C8orf34: variants seen among roughly 807,000 people sequenced by gnomAD.
C8orf34 encodes the protein uncharacterized protein C8orf34.
A neutral mutation model predicts 68.3 loss-of-function variants in C8orf34; 65 were observed. The ratio of observed to expected loss-of-function variants is 0.95; its 90% CI spans 0.78 to 1.17. C8orf34 has a LOEUF of 1.17. Ranked by LOEUF, C8orf34 falls within the 50% of genes most tolerant of loss-of-function variation. C8orf34 has a pLI of 0.00. For synonymous variants in C8orf34, 244 were observed against 241.2 expected (o/e 1.01, Z -0.11); for missense variants, 664 against 655.4 (o/e 1.01, Z -0.14).
chr8:68,716,819 C>A (rs1163263058), intron 9 of C8orf34, among the ~76,000 whole-genome samples: 1 of 151,878 alleles, frequency 6.6e-6, no homozygotes, highest in African/African-American at 2.4e-5. Flanking sequence ...GAAATATGAA[C>A]AACCCTTGTT....
At chr8:68,727,858 C>CTG (rs1821876898) in intron 10 of C8orf34, among the ~76,000 whole-genome samples, 2 of 152,200 alleles carry the variant, frequency 1.3e-5, no homozygotes, top group Non-Finnish European at 1.5e-5. Flanking sequence ...GCCCATCCTC[C>CTG]TGGGCCTGTG....
chr8:68,372,288 G>GA (rs1376006208), intron 1 of C8orf34, among the ~76,000 whole-genome samples: 1 of 152,140 alleles, frequency 6.6e-6, no homozygotes, highest in Non-Finnish European at 1.5e-5. Context: ...GAAAAACTGG[G>GA]ATAACATGAG....
At chr8:68,564,697 AG>A (rs562082767) in intron 7 of C8orf34, among the ~76,000 whole-genome samples, 45 of 152,316 alleles carry the variant, frequency 3.0e-4, no homozygotes, top group African/African-American at 1.1e-3. Context: ...AGCAAAAGAG[AG>A]CCAATGTCAG....
chr8:68,497,471 T>C (rs1293641385), intron 5 of C8orf34, among the ~76,000 whole-genome samples: 1 of 152,206 alleles, frequency 6.6e-6, no homozygotes, highest in African/African-American at 2.4e-5. Context: ...GTACATTATA[T>C]GTGCAATTAT....
chr8:68,601,902 G>A (rs1301215054), intron 7 of C8orf34, among the ~76,000 whole-genome samples: 1 of 152,142 alleles, frequency 6.6e-6, no homozygotes, highest in Non-Finnish European at 1.5e-5. Flanking sequence ...AATAGCACAT[G>A]ATCCAGGTGG....
At chr8:68,404,579 A>G (rs1809105995) in intron 1 of C8orf34, among the ~76,000 whole-genome samples, 2 of 152,286 alleles carry the variant, frequency 1.3e-5, no homozygotes, top group South Asian at 2.1e-4. Context: ...GCTCAGTTTC[A>G]GTTTTCTGCA....
intron 7 of C8orf34, among the ~76,000 whole-genome samples, chr8:68,608,318 A>G (rs1817915983): frequency 1.3e-5 from 1 of 79,152 alleles, no homozygotes; most frequent in Non-Finnish European, 2.3e-5. Flanking sequence ...TCTAGGAGAG[A>G]CAGAGGGTAA....
chr8:68,624,711 G>C (rs1444120079), intron 7 of C8orf34, among the ~76,000 whole-genome samples: 2 of 152,104 alleles, frequency 1.3e-5, no homozygotes, highest in African/African-American at 2.4e-5. Flanking sequence ...AGCGAATATA[G>C]ACAGTTCCTG....
At position 68,368,180 on chromosome 8, in the gene C8orf34, G is replaced by A. The variant is rs16934503; in HGVS notation, c.327+36841G>A. Among the ~76,000 whole-genome samples the A allele has an allele frequency of 8.4e-3, 1,278 of 152,136 alleles. 40 individuals carry two copies. The East Asian group carries it at 0.1, about 12-fold the overall frequency. ...ACAGATTATCCTCTGAAATTGCACC[G>A]GAAAGTAGATTTAATTATGATGCAG... is the stretch of plus-strand genomic sequence containing the variant. On this transcript the variant is annotated intron_variant, in intron 1 of 13. Coordinates refer to ENST00000518698, the MANE Select transcript of C8orf34 (RefSeq NM_052958.4).
intron 1 of C8orf34, among the ~76,000 whole-genome samples, chr8:68,376,260 G>A (rs1203801572): frequency 7.2e-6 from 1 of 138,864 alleles, no homozygotes; most frequent in Non-Finnish European, 1.5e-5. Context: ...AAGAAAAAGT[G>A]CAGCTCTTCT....
At chr8:68,330,910 T>C, upstream of C8orf34, 1 of 982,008 alleles carries the variant, frequency 1.0e-6, no homozygotes, top group Middle Eastern at 3.5e-4. Flanking sequence ...TGATTCCTGC[T>C]GCTGCCGCCC....
chr8:68,453,801 T>C (rs966693737), intron 3 of C8orf34, among the ~76,000 whole-genome samples: 1 of 151,990 alleles, frequency 6.6e-6, no homozygotes, highest in Non-Finnish European at 1.5e-5. Flanking sequence ...GAAATTCCAA[T>C]ACAAGGTTGA....
intron 1 of C8orf34, among the ~76,000 whole-genome samples, chr8:68,383,196 C>T (rs1374642239): frequency 6.6e-6 from 1 of 152,146 alleles, no homozygotes. Flanking sequence ...TGTTTATATT[C>T]TTTATTTACA....
chr8:68,578,587 C>A lies in C8orf34; in HGVS notation c.1105+45438C>A, dbSNP rs75835680. Among the ~76,000 whole-genome samples, 1,506 of 151,436 alleles carry A rather than the reference C, an allele frequency of 9.9e-3. 25 individuals are homozygous for A. Among genetic ancestry groups the A allele is most frequent in the African/African-American group, 0.035 (1,418 of 41,056 alleles). ...CAATTGAGGCCAGGGAGATAAAAAC[C>A]AATTACAGCAAAATATTTAGTGAAA... On this transcript the variant is annotated intron_variant, in intron 7 of 13. Transcript: ENST00000518698.
chr8:68,330,782 C>A, upstream of C8orf34: 1 of 434,302 alleles, frequency 2.3e-6, no homozygotes, highest in South Asian at 5.2e-5. Flanking sequence ...TACACACAGT[C>A]GCGCGCGCAC....
chr8:68,551,861 C>T (rs1816083571), intron 7 of C8orf34, among the ~76,000 whole-genome samples: 1 of 152,108 alleles, frequency 6.6e-6, no homozygotes, highest in East Asian at 1.9e-4. Flanking sequence ...TTAACTCTTA[C>T]ATTTATGCCC....
chr8:68,772,853 C>CCT (rs1823392723), intron 10 of C8orf34, among the ~76,000 whole-genome samples: 1 of 141,586 alleles, frequency 7.1e-6, no homozygotes, highest in Non-Finnish European at 1.5e-5. Context: ...CTCTCTTTCT[C>CCT]TCCTTCCTTC....
chr8:68,438,118 C>T (rs1460734813), intron 1 of C8orf34: 2 of 152,146 alleles, frequency 1.3e-5, no homozygotes, highest in Admixed American at 6.5e-5. Flanking sequence ...ATTGGTTGAT[C>T]GAATCATTGA....
chr8:68,706,970 G>C (rs1821184461), intron 8 of C8orf34, among the ~76,000 whole-genome samples: 1 of 152,052 alleles, frequency 6.6e-6, no homozygotes, highest in Non-Finnish European at 1.5e-5. Context: ...TTCTGTTTAG[G>C]GGCTGAAAAT....
Sources: gnomAD v4.1 joint callset for allele counts (sites outside exome capture counted in the v4.1 genomes callset) on GRCh38, gnomAD v4.1.1 for gene constraint, MANE v1.5 for transcripts, NCBI Gene and HGNC (gene_info 2026-07-23, HGNC 2026-07-21) for gene names.